Variants in LAMA3 observed in about 807,000 individuals in gnomAD.
LAMA3 encodes laminin subunit alpha 3.
A neutral mutation model predicts 402.0 loss-of-function variants in LAMA3; 281 were observed. The ratio of observed to expected loss-of-function variants is 0.70; its 90% CI spans 0.63 to 0.77. The LOEUF is 0.77. Ranked by LOEUF, LAMA3 falls within the 30% of genes least tolerant of loss-of-function variation. The pLI is 0.00. For missense variants in LAMA3, 3,840 were observed against 4,215.5 expected, an observed-to-expected ratio of 0.91 and a Z score of 2.47; for synonymous variants, 1,431 against 1,558.4, an observed-to-expected ratio of 0.92 and a Z score of 1.93.
At chr18:23,703,396 G>A (rs1423869762) in intron 1 of LAMA3, among the ~76,000 whole-genome samples, 1 of 152,156 alleles carries the variant, frequency 6.6e-6, no homozygotes, top group East Asian at 1.9e-4. Flanking sequence ...ACGTTCCATA[G>A]CTGTGACTGG....
intron 49 of LAMA3, among the ~76,000 whole-genome samples, chr18:23,903,658 A>G (rs1348348860): frequency 6.6e-6 from 1 of 152,208 alleles, no homozygotes; most frequent in Admixed American, 6.5e-5. Context: ...GGTTTACTAC[A>G]ACTTTATATT....
intron 8 of LAMA3, among the ~76,000 whole-genome samples, chr18:23,772,288 C>T (rs2143854269): frequency 6.6e-6 from 1 of 152,338 alleles, no homozygotes; most frequent in Admixed American, 6.5e-5. Flanking sequence ...GACCCACCCA[C>T]TTTGGCCTCC....
chr18:23,888,337 CTTCA>C (rs762663161), intron 41 of LAMA3, among the ~76,000 whole-genome samples: 39 of 152,188 alleles, frequency 2.6e-4, no homozygotes, highest in Non-Finnish European at 5.0e-4. Flanking sequence ...GATAGCTACC[CTTCA>C]TTGTCTGTTA....
chr18:23,717,448 G>C (rs936211929), intron 2 of LAMA3, among the ~76,000 whole-genome samples: 1 of 151,630 alleles, frequency 6.6e-6, no homozygotes, highest in Non-Finnish European at 1.5e-5. Flanking sequence ...CTGTTGTGAG[G>C]GTCTTGTTTT....
At chr18:23,805,095 A>G (rs897089023) in intron 12 of LAMA3, among the ~76,000 whole-genome samples, 1 of 152,206 alleles carries the variant, frequency 6.6e-6, no homozygotes, top group Admixed American at 6.5e-5. Flanking sequence ...AGTTGAAAAC[A>G]AACTGCTTGT....
chr18:23,952,976 C>G lies in LAMA3; in HGVS notation c.9737-14C>G. ...CACCTCCGATGATAGACCTAACCAGCCTCCTTTCCCCAGTCACCATAAAAC... is the reference window on the plus strand; with the variant it reads ...CACCTCCGATGATAGACCTAACCAGGCTCCTTTCCCCAGTCACCATAAAAC... On this transcript the variant is annotated splice_polypyrimidine_tract_variant and intron_variant, in intron 73 of 74. Coordinates refer to ENST00000313654, the MANE Select transcript of LAMA3 (RefSeq NM_198129.4). 1 of 1,613,948 alleles carries G rather than the reference C, an allele frequency of 6.2e-7. No homozygotes were observed. Among genetic ancestry groups the G allele is most frequent in the East Asian group, 2.2e-5 (1 of 44,864 alleles).
Position 23,857,875 on chromosome 18 carries a change from G to A in LAMA3, c.4168G>A (p.Asp1390Asn). ...GCCCAGAATCACAGGGCGGCAGTGT[G>A]ACCGATGTGCTTCCGGGTTTTACCG... ...CKPRITGRQC[D>N]RCASGFYRFP... The change falls in exon 33 of 75, where the codon GAC (aspartate) becomes AAC (asparagine). Residue 1390 changes from aspartate to asparagine, a missense_variant. Asp to Asn is a conservative substitution (Grantham distance 23, BLOSUM62 1). Transcript: ENST00000313654. 1 of 1,614,208 alleles carries A rather than the reference G, an allele frequency of 6.2e-7. No homozygotes were observed.
At chr18:23,729,912 T>G (rs2061362350) in intron 2 of LAMA3, among the ~76,000 whole-genome samples, 1 of 152,222 alleles carries the variant, frequency 6.6e-6, no homozygotes, top group Non-Finnish European at 1.5e-5. Context: ...TGGGCTTAGC[T>G]GGAATGCTCA....
Position 23,879,979 on chromosome 18 carries a change from A to G in LAMA3, c.5113-1957A>G, listed in dbSNP as rs190279168. 1.4e-4 allele frequency among the ~76,000 whole-genome samples: 21 copies of G among 152,362 alleles called. No homozygotes were observed. In the East Asian group the frequency reaches 3.7e-3, roughly 27 times the overall value. ...GTAGACACAGGACTGAAATATATCT[A>G]TACAGTCATGTTCTACTTTTAAATT... On this transcript the variant is annotated intron_variant, in intron 39 of 74. Transcript: ENST00000313654. This position sits in a 1 kb window ranked among gnomAD's most constrained non-coding sequence, Gnocchi z 4.2.
At chr18:23,788,751 A>G (rs770958583) in intron 12 of LAMA3, among the ~76,000 whole-genome samples, 1 of 152,100 alleles carries the variant, frequency 6.6e-6, no homozygotes, top group Non-Finnish European at 1.5e-5. Context: ...AAGTAGCAAA[A>G]GAAAAAATAG....
intron 27 of LAMA3, among the ~76,000 whole-genome samples, chr18:23,841,472 C>T (rs559928886): frequency 2.6e-5 from 4 of 152,120 alleles, no homozygotes; most frequent in Non-Finnish European, 1.5e-5. Context: ...GGAGGACTCC[C>T]TCTCCCAGGG....
chr18:23,842,902 CAATA>C (rs945197484), intron 29 of LAMA3, 152 bp downstream of exon 29: 124 of 961,118 alleles, frequency 1.3e-4, no homozygotes, highest in East Asian at 1.6e-4. Context: ...TTTTACCCCC[CAATA>C]AATAAATAAA....
chr18:23,774,878 G>A (rs913463515), intron 9 of LAMA3, among the ~76,000 whole-genome samples: 2 of 152,176 alleles, frequency 1.3e-5, no homozygotes, highest in African/African-American at 4.8e-5. Flanking sequence ...TCTATCACCT[G>A]TCTTGTGCCT....
intron 8 of LAMA3, among the ~76,000 whole-genome samples, chr18:23,765,369 A>C (rs1444929339): frequency 1.3e-5 from 2 of 152,178 alleles, no homozygotes; most frequent in African/African-American, 4.8e-5. Context: ...CATACAATCC[A>C]AGCACAGGAT....
chr18:23,951,555 C>T (rs925455769), intron 72 of LAMA3, 129 bp from the exon 73 acceptor site: 5 of 705,354 alleles, frequency 7.1e-6, no homozygotes, highest in Admixed American at 2.0e-5. Context: ...GCTTCAAAAG[C>T]GGAGGAGGGC....
chr18:23,815,507 G>A lies in LAMA3; in HGVS notation c.1981G>A (p.Asp661Asn), dbSNP rs370462843. 4 of 1,614,162 alleles carry A rather than the reference G, an allele frequency of 2.5e-6. No homozygotes were observed. Among genetic ancestry groups the A allele is most frequent in the Admixed American group, 1.7e-5 (1 of 60,014 alleles). ...DCHCKSHVGGDSCDTCEDGYF... is the reference protein window; with the variant it reads ...DCHCKSHVGGNSCDTCEDGYF... ...TCACTGCAAGTCCCATGTGGGTGGCGATTCCTGCGACACCTGTGAAGATGG... is the reference window on the plus strand; with the variant it reads ...TCACTGCAAGTCCCATGTGGGTGGCAATTCCTGCGACACCTGTGAAGATGG... The change falls in exon 17 of 75, where the codon GAT becomes AAT. Residue 661 changes from aspartate to asparagine, a missense_variant. Physicochemically the swap from Asp to Asn is conservative, Grantham distance 23 (BLOSUM62 1). Around this residue, in one of 3 missense-constraint regions of LAMA3, gnomAD observed 2,109 missense variants for 2,376.0 expected, o/e 0.89. Coordinates refer to ENST00000313654, the MANE Select transcript of LAMA3 (RefSeq NM_198129.4).
At chr18:23,867,715 AT>A in intron 36 of LAMA3, 118 bp from the exon 37 acceptor site, 3 of 811,972 alleles carry the variant, frequency 3.7e-6, no homozygotes, top group Admixed American at 3.4e-5. Context: ...ATTCTGAACT[AT>A]TTTTTTAAGT....
chr18:23,908,810 A>G (rs1218088264), intron 54 of LAMA3, among the ~76,000 whole-genome samples: 3 of 152,248 alleles, frequency 2.0e-5, no homozygotes, highest in Admixed American at 1.3e-4. Context: ...TGGGTAGGGT[A>G]GACAGCAAGG....
chr18:23,710,349 G>A, intron 1 of LAMA3: 1 of 404,880 alleles, frequency 2.5e-6, no homozygotes, highest in Non-Finnish European at 4.6e-6. Flanking sequence ...CTTTTAAAAA[G>A]CCCCACGAGG....
Sources: gnomAD v4.1 joint callset for allele counts (sites outside exome capture counted in the v4.1 genomes callset) on GRCh38, gnomAD v4.1.1 for gene constraint, gnomAD v4.1.1 regional missense constraint, Gnocchi (gnomAD v3.1) non-coding constraint, MANE v1.5 for transcripts, NCBI Gene and HGNC (gene_info 2026-07-23, HGNC 2026-07-21) for gene names.